The following COL9A3 variants were observed in gnomAD, a reference collection of about 807,000 sequenced individuals.
The protein encoded by COL9A3 is collagen alpha-3(IX) chain.
Under a neutral mutation model 110.2 loss-of-function variants are expected in COL9A3, and 82 were observed. The ratio of observed to expected loss-of-function variants is 0.74; its 90% confidence interval spans 0.62 to 0.89. COL9A3 has a LOEUF of 0.89. Among genes scored for constraint, COL9A3 ranks in the 40% least tolerant of loss-of-function variants. The probability of loss-of-function intolerance (pLI) is 0.00; values close to 1 mark genes in which losing one functional copy is unlikely to be tolerated. For synonymous variants in COL9A3, 494 were observed against 403.8 expected, an observed-to-expected ratio of 1.22 and a Z score of -2.68; for missense variants, 1,066 against 981.3, an observed-to-expected ratio of 1.09 and a Z score of -1.15.
Position 62,829,801 on chromosome 20 carries a change from T to A in COL9A3, c.1143T>A (p.Ala381=), listed in dbSNP as rs754686790. 3.2e-6 allele frequency: 5 copies of A among 1,580,034 alleles called. No individual in the cohort carries two copies. Among genetic ancestry groups the A allele is most frequent in the Non-Finnish European group, 2.6e-6 (3 of 1,163,540 alleles). The stretch of plus-strand genomic sequence containing the variant: ...GCATGCCTGGGGAGCGCGGTGAGGC[T>A]GGCCACCGGGGCTCAGCGGTGAGTG... The part of the protein sequence containing the change: ...DAGMPGERGE[A]GHRGSAGALG... The change falls in exon 22 of 32, where the codon GCT becomes GCA. Residue 381 remains alanine, a synonymous_variant. Coordinates refer to ENST00000649368, the MANE Select transcript of COL9A3 (RefSeq NM_001853.4).
chr20:62,818,708 C>T (rs978212094), intron 3 of COL9A3, among the ~76,000 whole-genome samples, 155 bp downstream of exon 3: 2 of 152,200 alleles, frequency 1.3e-5, no homozygotes, highest in Admixed American at 1.3e-4. Context: ...CTGGAGCCAG[C>T]GGGGCGGGAG....
chr20:62,817,786 TG>T, intron 2 of COL9A3, 151 bp downstream of exon 2: 1 of 650,826 alleles, frequency 1.5e-6, no homozygotes. Flanking sequence ...CTTCACGGGA[TG>T]GGGGTGGCCC....
At chr20:62,834,405 C>T (rs923938301) in intron 26 of COL9A3, among the ~76,000 whole-genome samples, 1 of 152,234 alleles carries the variant, frequency 6.6e-6, no homozygotes, top group East Asian at 1.9e-4. Context: ...CCTTGATAGG[C>T]ACATTTCTCC....
chr20:62,825,872 T>C lies in COL9A3; in HGVS notation c.684+2T>C. ...CTCCCGGGCAGCGTGGGGCTGCAGG[T>C]GAGGCTAGGAAGGGGTAAGGATGGT... On this transcript the variant is annotated splice_donor_variant, in intron 13 of 31. Transcript: ENST00000649368. LOFTEE classifies it high-confidence loss of function. The C allele has an allele frequency of 6.4e-7, 1 of 1,558,596 alleles. No individual in the cohort carries two copies. Among genetic ancestry groups the C allele is most frequent in the Non-Finnish European group, 8.7e-7 (1 of 1,151,064 alleles).
rs1343709572 is a variant in COL9A3 at position 62,825,870 on chromosome 20, G to T, written c.684G>T (p.Gln228His). Residue 228 changes from glutamine (Q) to histidine (H), a missense_variant and splice_region_variant, in exon 13 of 32, where the codon CAG becomes CAT. Gln to His is a conservative substitution (Grantham distance 24). Coordinates refer to ENST00000649368, the MANE Select transcript of COL9A3 (RefSeq NM_001853.4). ...GCCTCCCGGGCAGCGTGGGGCTGCAGGTGAGGCTAGGAAGGGGTAAGGATG... is the reference window on the plus strand; with the variant it reads ...GCCTCCCGGGCAGCGTGGGGCTGCATGTGAGGCTAGGAAGGGGTAAGGATG... ...PAGLPGSVGL[Q>H]GPRGLRGLPG... 1.3e-6 allele frequency: 2 copies of T among 1,558,728 alleles called. No homozygotes were observed. Among genetic ancestry groups the T allele is most frequent in the Non-Finnish European group, 1.7e-6 (2 of 1,151,116 alleles).
chr20:62,830,638 T>TACCACAGTCCTCCACCCCCC lies in COL9A3; in HGVS notation c.1287+60_1287+61insTCCACCCCCCACCACAGTCC. Reference sequence around the variant, plus strand: ...CTCCCCTGCACCCCCTCTACCCATGTACCACAGTCCCCCACCCCCATGACA... The same window carrying TACCACAGTCCTCCACCCCCC: ...CTCCCCTGCACCCCCTCTACCCATGTACCACAGTCCTCCACCCCCCACCACAGTCCCCCACCCCCATGACA... On this transcript the variant is annotated intron_variant, in intron 24 of 31. Coordinates refer to ENST00000649368, the MANE Select transcript of COL9A3 (RefSeq NM_001853.4). The TACCACAGTCCTCCACCCCCC allele has an allele frequency of 1.3e-5, 13 of 1,035,604 alleles. No homozygotes were observed. The South Asian group carries it at 1.4e-4, about 11-fold the overall frequency. The allele number at this position is 1,035,604 out of a possible 1,614,324, so 64.2% of individuals were successfully genotyped here.
chr20:62,828,825 TG>T lies in COL9A3; in HGVS notation c.954+12del. 6.2e-7 allele frequency: 1 copy of T among 1,612,812 alleles called. No individual in the cohort carries two copies. Among genetic ancestry groups the T allele is most frequent in the Non-Finnish European group, 8.5e-7 (1 of 1,179,968 alleles). On this transcript the variant is annotated intron_variant, in intron 18 of 31. Transcript: ENST00000649368. ...GGACTCGATGGCCAGAAGGTTGGCA[TG>T]GGGCTCAGGGTGTGACGGGAGGGAG...
chr20:62,832,977 A>G (rs372290223), intron 25 of COL9A3, 43 bp from the exon 26 acceptor site: 28 of 1,588,048 alleles, frequency 1.8e-5, no homozygotes, highest in Non-Finnish European at 2.4e-5. Flanking sequence ...GTCCCTACTC[A>G]TGCATGAACA....
rs201804243 is a variant in COL9A3, at chr20:62,829,700, C to G, written c.1107+19C>G. 1 of 1,603,762 alleles carries G rather than the reference C, an allele frequency of 6.2e-7. No individual in the cohort carries two copies. Among genetic ancestry groups the G allele is most frequent in the South Asian group, 1.1e-5 (1 of 89,234 alleles). On this transcript the variant is annotated intron_variant, in intron 21 of 31. Transcript: ENST00000649368. ...CGTCCCTGTGAGTATCTGCGGCGCC[C>G]CAGACCCCTCCCCATCCAGCCTGTG...
Position 62,836,093 on chromosome 20 carries a change from C to T in COL9A3, c.1402-94C>T, listed in dbSNP as rs6011413. On this transcript the variant is annotated intron_variant, in intron 27 of 31. Transcript: ENST00000649368. ...AAAGCTTGCTCTGGTCAAGGCTGGG[C>T]AAGACGGCTCCGTGCCGGCTGGGAA... The T allele has an allele frequency of 0.064, 102,940 of 1,602,854 alleles. 5,986 individuals carry two copies. The highest frequency in any genetic ancestry group is 0.32 in the African/African-American group (23,621 of 74,806).
intron 31 of COL9A3, 85 bp downstream of exon 31, chr20:62,838,846 G>T (rs1368967684): frequency 4.0e-5 from 43 of 1,085,326 alleles, no homozygotes; most frequent in Middle Eastern, 2.7e-4. Context: ...CTTGGGTTAT[G>T]AATGGGTCTC....
At chr20:62,817,226 G>A in intron 1 of COL9A3, 84 bp downstream of exon 1, 1 of 1,053,822 alleles carries the variant, frequency 9.5e-7, no homozygotes, top group South Asian at 3.0e-5. Flanking sequence ...GGTGCCCGGC[G>A]CAGCCTCGAC....
rs747587080 is a variant in COL9A3 at position 62,821,461 on chromosome 20, C to T, written c.346-46C>T. The T allele has an allele frequency of 9.3e-6, 15 of 1,612,100 alleles. No homozygotes were observed. The East Asian group carries it at 3.3e-4, about 36-fold the overall frequency. ...CATCTTAGGGAGGGGTGAGGCGCAGCCCTTCTTGTGCCTGGCAGGCTCTGA... is the reference window on the plus strand; with the variant it reads ...CATCTTAGGGAGGGGTGAGGCGCAGTCCTTCTTGTGCCTGGCAGGCTCTGA... On this transcript the variant is annotated intron_variant, in intron 6 of 31. Coordinates refer to ENST00000649368, the MANE Select transcript of COL9A3 (RefSeq NM_001853.4).
intron 25 of COL9A3, chr20:62,832,760 C>G (rs1034159973): frequency 4.1e-5 from 15 of 365,184 alleles, no homozygotes; most frequent in Admixed American, 1.1e-4. Context: ...AGCCATCGAA[C>G]CCCCACCGCA....
At chr20:62,824,294 C>A in intron 10 of COL9A3, 151 bp from the exon 11 acceptor site, 1 of 777,734 alleles carries the variant, frequency 1.3e-6, no homozygotes, top group African/African-American at 1.7e-5. Context: ...TGCGGAGTGG[C>A]CTCCTGGGGT....
At position 62,819,248 on chromosome 20, in the gene COL9A3, G is replaced by T. The variant is rs564992042; in HGVS notation, c.210G>T (p.Pro70=). ...GACCAAAGGGGGCCCCAGGAAAGCC[G>T]GGGAAACCAGGAGAGGCTGGGCTGC... The part of the protein sequence containing the change: ...PPGPKGAPGK[P]GKPGEAGLPG... The change falls in exon 4 of 32, where the codon CCG becomes CCT. Residue 70 remains proline (P), a synonymous_variant. Transcript: ENST00000649368. 1 of 1,612,746 alleles carries T rather than the reference G, an allele frequency of 6.2e-7. No individual in the cohort carries two copies. Among genetic ancestry groups the T allele is most frequent in the South Asian group, 1.1e-5 (1 of 91,074 alleles).
At position 62,825,028 on chromosome 20, in the gene COL9A3, C is replaced by T. The variant is rs757435442; in HGVS notation, c.630+7C>T. On this transcript the variant is annotated splice_region_variant and intron_variant, in intron 12 of 31. Transcript: ENST00000649368. ...CGGCAAGGACGGCGAGAAGGTGAAG[C>T]TGCCGCACAGCAGCTGGGGAGGAGC... The T allele has an allele frequency of 1.2e-6, 2 of 1,606,466 alleles. No homozygotes were observed. Among genetic ancestry groups the T allele is most frequent in the East Asian group, 4.5e-5 (2 of 44,560 alleles).
intron 5 of COL9A3, 92 bp from the exon 6 acceptor site, chr20:62,821,083 CCTGGGA>C: frequency 7.9e-7 from 1 of 1,271,968 alleles, no homozygotes; most frequent in Non-Finnish European, 1.1e-6. Flanking sequence ...ACCCTGTTGT[CCTGGGA>C]GTTGGAGTTG....
intron 26 of COL9A3, among the ~76,000 whole-genome samples, chr20:62,834,181 TG>T (rs2063618070): frequency 6.6e-6 from 1 of 152,018 alleles, no homozygotes; most frequent in South Asian, 2.1e-4. Context: ...GCCTAATTGT[TG>T]TATTTTTAGT....
Sources: allele counts gnomAD v4.1 joint callset (sites outside exome capture counted in the v4.1 genomes callset), GRCh38; gene constraint gnomAD v4.1.1; transcripts MANE v1.5; gene names NCBI Gene and HGNC (gene_info 2026-07-23, HGNC 2026-07-21).